Variants in CACNG5 observed in about 807,000 individuals in gnomAD.
CACNG5 encodes calcium voltage-gated channel auxiliary subunit gamma 5.
Under a neutral mutation model 24.8 loss-of-function variants are expected in CACNG5, and 18 were observed. The ratio of observed to expected loss-of-function variants is 0.73; its 90% CI spans 0.50 to 1.08. The LOEUF is 1.08. Ranked by LOEUF, CACNG5 falls within the 50% of genes least tolerant of loss-of-function variation. CACNG5 has a pLI of 0.00. For missense variants in CACNG5, 349 were observed against 367.9 expected (o/e 0.95, Z 0.42); for synonymous variants, 157 against 149.1 (o/e 1.05, Z -0.39).
chr17:66,870,980 C>CA (rs398041804), intron 1 of CACNG5, among the ~76,000 whole-genome samples: 22,720 of 141,776 alleles, frequency 0.16, 2,187 homozygotes, highest in East Asian at 0.48. Flanking sequence ...AACTCCATCT[C>CA]AAAAAAAAAA....
chr17:66,854,511 G>T (rs1434739454), intron 1 of CACNG5, among the ~76,000 whole-genome samples: 1 of 151,200 alleles, frequency 6.6e-6, no homozygotes, highest in Non-Finnish European at 1.5e-5. Flanking sequence ...TGGCCAACAT[G>T]GTGAAACCCC....
At chr17:66,847,553 A>G (rs1235558830) in intron 1 of CACNG5, among the ~76,000 whole-genome samples, 3 of 105,980 alleles carry the variant, frequency 2.8e-5, no homozygotes, top group South Asian at 4.0e-4. Context: ...ACCCACCCCC[A>G]TGACTCAACT....
At chr17:66,841,762 G>A (rs1034950320) in intron 1 of CACNG5, among the ~76,000 whole-genome samples, 1 of 152,200 alleles carries the variant, frequency 6.6e-6, no homozygotes, top group South Asian at 2.1e-4. Flanking sequence ...TCTGTAAAAG[G>A]ACGGGGTGGG....
At chr17:66,867,905 G>A (rs1367201838) in intron 1 of CACNG5, among the ~76,000 whole-genome samples, 1 of 152,182 alleles carries the variant, frequency 6.6e-6, no homozygotes, top group East Asian at 1.9e-4. Context: ...CATGTAGCAT[G>A]ATGCCTTCAG....
chr17:66,863,927 G>T (rs896660963), intron 1 of CACNG5, among the ~76,000 whole-genome samples: 3 of 152,296 alleles, frequency 2.0e-5, no homozygotes, highest in Non-Finnish European at 4.4e-5. Context: ...CATATTAAAG[G>T]TGTTTTCATG....
Position 66,880,633 on chromosome 17 carries a change from C to G in CACNG5, c.360C>G (p.Ile120Met). The change falls in exon 4 of 6, where the codon ATC (isoleucine) becomes ATG (methionine). Residue 120 changes from isoleucine (I) to methionine (M), a missense_variant. Coordinates refer to ENST00000533854, the MANE Select transcript of CACNG5 (RefSeq NM_145811.3). Reference sequence around the variant, plus strand: ...TCATTGGGTTTATCCTGAACAACATCGGACACATCCGTCCCCACCGGACGA... The same window carrying G: ...TCATTGGGTTTATCCTGAACAACATGGGACACATCCGTCCCCACCGGACGA... ...FMFIGFILNN[I>M]GHIRPHRTIL... 1 of 1,614,180 alleles carries G rather than the reference C, an allele frequency of 6.2e-7. No homozygotes were observed. The highest frequency in any genetic ancestry group is 1.6e-4 in the Middle Eastern group (1 of 6,062).
chr17:66,847,794 G>A (rs1976656836), intron 1 of CACNG5, among the ~76,000 whole-genome samples: 1 of 152,146 alleles, frequency 6.6e-6, no homozygotes, highest in African/African-American at 2.4e-5. Context: ...GCCCTCCCTT[G>A]CACCTCTTCA....
Position 66,894,482 on chromosome 17 carries a change from G to A in CACNG5, c.*9242G>A, listed in dbSNP as rs921508944. Among the ~76,000 whole-genome samples, 2 of 151,934 alleles carry A rather than the reference G, an allele frequency of 1.3e-5. No homozygotes were observed. Among genetic ancestry groups the A allele is most frequent in the African/African-American group, 4.8e-5 (2 of 41,328 alleles). ...AGCTTCTGTCCTGGGCTGTTTCTCCGGTGTGATTTCATTTTATTTGCTTTG... is the reference window on the plus strand; with the variant it reads ...AGCTTCTGTCCTGGGCTGTTTCTCCAGTGTGATTTCATTTTATTTGCTTTG... On this transcript the variant is annotated 3_prime_UTR_variant, in exon 6 of 6. Transcript: ENST00000533854.
rs147430484 is a variant in CACNG5, at chr17:66,840,805, C to A, written c.-104+5555C>A. ...CAGGAAGGAAGTTTCCTGGGACTGTCGGGCACACCGGTGTGTTGCTGTGTG... is the reference window on the plus strand; with the variant it reads ...CAGGAAGGAAGTTTCCTGGGACTGTAGGGCACACCGGTGTGTTGCTGTGTG... On this transcript the variant is annotated intron_variant, in intron 1 of 5. Transcript: ENST00000533854. Among the ~76,000 whole-genome samples the A allele has an allele frequency of 2.4e-4, 37 of 152,228 alleles. No individual in the cohort carries two copies. In the East Asian group the frequency reaches 6.2e-3, roughly 25 times the overall value.
chr17:66,865,541 CTCTG>C (rs1976916883), intron 1 of CACNG5, among the ~76,000 whole-genome samples: 1 of 152,034 alleles, frequency 6.6e-6, no homozygotes, highest in Non-Finnish European at 1.5e-5. Context: ...TTCAAATTCT[CTCTG>C]TCTATGTAGC....
chr17:66,849,986 C>G (rs1976692135), intron 1 of CACNG5, among the ~76,000 whole-genome samples: 1 of 152,192 alleles, frequency 6.6e-6, no homozygotes, highest in Non-Finnish European at 1.5e-5. Flanking sequence ...TTAAAATCCC[C>G]TGGTGCTTCA....
Position 66,889,059 on chromosome 17 carries a change from C to T in CACNG5, c.*3819C>T, listed in dbSNP as rs1044560066. 1.6e-4 allele frequency among the ~76,000 whole-genome samples: 24 copies of T among 152,066 alleles called. No homozygotes were observed. The highest frequency in any genetic ancestry group is 5.9e-4 in the Admixed American group (9 of 15,272). On this transcript the variant is annotated 3_prime_UTR_variant, in exon 6 of 6. Coordinates refer to ENST00000533854, the MANE Select transcript of CACNG5 (RefSeq NM_145811.3). ...CACTGCAACCTCTGCTTCCTGGGCT[C>T]AAGCAATTCTCCTGCCTCAGCCTCC...
At chr17:66,864,499 T>C (rs537761230) in intron 1 of CACNG5, among the ~76,000 whole-genome samples, 10 of 152,314 alleles carry the variant, frequency 6.6e-5, no homozygotes, top group African/African-American at 2.4e-4. Flanking sequence ...CTCTAAACTA[T>C]TGGTTTCCTT....
chr17:66,836,243 C>G (rs1455513678), intron 1 of CACNG5, among the ~76,000 whole-genome samples: 1 of 152,152 alleles, frequency 6.6e-6, no homozygotes, highest in African/African-American at 2.4e-5. Context: ...GGACAGGATC[C>G]CCAAGTGGGA....
chr17:66,836,839 T>A (rs1976487515), intron 1 of CACNG5, among the ~76,000 whole-genome samples: 1 of 152,224 alleles, frequency 6.6e-6, no homozygotes, highest in African/African-American at 2.4e-5. Context: ...CCTGGCTGGC[T>A]GCACCCCAGG....
At position 66,874,029 on chromosome 17, in the gene CACNG5, T is replaced by C. The variant is rs1378619398; in HGVS notation, c.-103-3201T>C. ...ATGGACCCCACTTTGGATAAACTCA[T>C]GGGGTGGGAGTTTGAGAACGCAAGC... On this transcript the variant is annotated intron_variant, in intron 1 of 5. Coordinates refer to ENST00000533854, the MANE Select transcript of CACNG5 (RefSeq NM_145811.3). Among the ~76,000 whole-genome samples, 7 of 151,092 alleles carry C rather than the reference T, an allele frequency of 4.6e-5. No homozygotes were observed. The East Asian group carries it at 1.4e-3, about 30-fold the overall frequency.
chr17:66,882,137 T>C (rs999890056), intron 4 of CACNG5, among the ~76,000 whole-genome samples: 1 of 151,776 alleles, frequency 6.6e-6, no homozygotes, highest in African/African-American at 2.4e-5. Context: ...GGGTTGATGG[T>C]GGAAAAGAGA....
chr17:66,880,537 C>A lies in CACNG5; in HGVS notation c.284-20C>A, dbSNP rs372256231. ...TCAGGCCTGGAGGCTGACAGGCCGC[C>A]CTTTTGTCCCGTTAATTAGAGATGA... On this transcript the variant is annotated intron_variant, in intron 3 of 5. Transcript: ENST00000533854. The A allele has an allele frequency of 2.5e-6, 4 of 1,614,070 alleles. No homozygotes were observed. In the Admixed American group the frequency reaches 6.7e-5, roughly 27 times the overall value.
chr17:66,891,005 A>G lies in CACNG5; in HGVS notation c.*5765A>G, dbSNP rs1223681793. Reference sequence around the variant, plus strand: ...TAATGGAGTGCACATGGCTGGCAGTAGCAGTGGGGAGACAGTTGGAGGAAG... The same window carrying G: ...TAATGGAGTGCACATGGCTGGCAGTGGCAGTGGGGAGACAGTTGGAGGAAG... On this transcript the variant is annotated 3_prime_UTR_variant, in exon 6 of 6. Coordinates refer to ENST00000533854, the MANE Select transcript of CACNG5 (RefSeq NM_145811.3). Among the ~76,000 whole-genome samples the G allele has an allele frequency of 2.0e-5, 3 of 152,200 alleles. No individual in the cohort carries two copies. The highest frequency in any genetic ancestry group is 7.2e-5 in the African/African-American group (3 of 41,446).
Sources: allele counts gnomAD v4.1 joint callset (sites outside exome capture counted in the v4.1 genomes callset), GRCh38; gene constraint gnomAD v4.1.1; transcripts MANE v1.5; gene names NCBI Gene and HGNC (gene_info 2026-07-23, HGNC 2026-07-21).